IQCJ: variants seen among roughly 807,000 people sequenced by gnomAD.
IQCJ encodes the protein IQ motif containing J.
Under a neutral mutation model 11.0 loss-of-function variants are expected in IQCJ, and 9 were observed. The ratio of observed to expected loss-of-function variants is 0.82; its 90% CI spans 0.49 to 1.43. The LOEUF is 1.43. Among genes scored for constraint, IQCJ ranks in the 40% most tolerant of loss-of-function variants. The pLI, the probability that IQCJ is intolerant of heterozygous loss-of-function variation, is 0.00. For missense variants in IQCJ, 146 were observed against 133.2 expected (o/e 1.10, Z -0.47); for synonymous variants, 55 against 51.3 (o/e 1.07, Z -0.31).
At chr3:159,215,392 C>G (rs138797657) in intron 1 of IQCJ, among the ~76,000 whole-genome samples, 1 of 152,246 alleles carries the variant, frequency 6.6e-6, no homozygotes, top group African/African-American at 2.4e-5. Context: ...TTTCTGCATG[C>G]TGTTTCTCAT....
chr3:159,104,319 A>C, intron 1 of IQCJ, among the ~76,000 whole-genome samples: 1 of 151,866 alleles, frequency 6.6e-6, no homozygotes, highest in South Asian at 2.1e-4. Flanking sequence ...TTGTGAGTTT[A>C]TTTTCTTCTT....
chr3:159,258,048 A>G (rs1727994711), intron 3 of IQCJ, among the ~76,000 whole-genome samples: 1 of 152,172 alleles, frequency 6.6e-6, no homozygotes. Context: ...AGAAATACCC[A>G]TGGTCTAACG....
intron 1 of IQCJ, among the ~76,000 whole-genome samples, chr3:159,171,816 G>A (rs1413060075): frequency 6.6e-6 from 1 of 152,110 alleles, no homozygotes; most frequent in African/African-American, 2.4e-5. Flanking sequence ...AAATTTCTGG[G>A]CCCCAACCCC....
chr3:159,263,979 A>G (rs867544709), downstream of IQCJ, among the ~76,000 whole-genome samples: 17 of 152,344 alleles, frequency 1.1e-4, no homozygotes, highest in Middle Eastern at 0.01. Flanking sequence ...GTTTGTGTCT[A>G]ACTCATGATT....
At chr3:159,143,606 C>T (rs1720752555) in intron 1 of IQCJ, among the ~76,000 whole-genome samples, 1 of 152,250 alleles carries the variant, frequency 6.6e-6, no homozygotes, top group East Asian at 1.9e-4. Context: ...AGAAGTTAAA[C>T]ATTAGTTTCC....
At chr3:159,222,871 C>A (rs1725632398) in intron 1 of IQCJ, among the ~76,000 whole-genome samples, 1 of 151,850 alleles carries the variant, frequency 6.6e-6, no homozygotes, top group Non-Finnish European at 1.5e-5. Context: ...AGATTACCAA[C>A]CCAGAATAAT....
At chr3:159,104,653 C>T (rs1028647783) in intron 1 of IQCJ, among the ~76,000 whole-genome samples, 15 of 152,146 alleles carry the variant, frequency 9.9e-5, no homozygotes, top group Admixed American at 2.6e-4. Flanking sequence ...TTTTCCACAC[C>T]GTGCCATTCT....
chr3:159,091,381 C>G (rs1717270227), intron 1 of IQCJ, among the ~76,000 whole-genome samples: 1 of 151,682 alleles, frequency 6.6e-6, no homozygotes, highest in Non-Finnish European at 1.5e-5. Context: ...TTGCTGACTT[C>G]TCAACTTCTT....
intron 1 of IQCJ, among the ~76,000 whole-genome samples, chr3:159,116,613 T>G (rs945168796): frequency 6.0e-5 from 5 of 83,868 alleles, no homozygotes; most frequent in Non-Finnish European, 1.1e-4. Flanking sequence ...CCTGCTCATA[T>G]GTATATATAT....
chr3:159,190,368 G>A (rs2108038167), intron 1 of IQCJ, among the ~76,000 whole-genome samples: 1 of 152,350 alleles, frequency 6.6e-6, no homozygotes, highest in Non-Finnish European at 1.5e-5. Context: ...GCCAGGGCAT[G>A]TTTAAAGCTC....
At chr3:159,248,567 C>A (rs1727407513) in intron 2 of IQCJ, among the ~76,000 whole-genome samples, 1 of 152,104 alleles carries the variant, frequency 6.6e-6, no homozygotes. Context: ...ACCTTGGCTG[C>A]ACTTAGAATC....
At chr3:159,157,567 G>T (rs183287676) in intron 1 of IQCJ, among the ~76,000 whole-genome samples, 1 of 152,242 alleles carries the variant, frequency 6.6e-6, no homozygotes, top group African/African-American at 2.4e-5. Context: ...GTTTTGAATA[G>T]ATGTTACATT....
At chr3:159,249,995 G>A (rs898911572) in intron 2 of IQCJ, among the ~76,000 whole-genome samples, 47 of 152,164 alleles carry the variant, frequency 3.1e-4, no homozygotes, top group African/African-American at 1.1e-3. Context: ...TAATTGGAAG[G>A]CTACTTATGA....
At chr3:159,229,036 T>C (rs1726031423) in intron 1 of IQCJ, among the ~76,000 whole-genome samples, 1 of 152,208 alleles carries the variant, frequency 6.6e-6, no homozygotes, top group African/African-American at 2.4e-5. Flanking sequence ...CACAGTGGTG[T>C]TATAGCCTCA....
intron 1 of IQCJ, among the ~76,000 whole-genome samples, chr3:159,071,748 A>G (rs1715577280): frequency 6.6e-6 from 1 of 152,076 alleles, no homozygotes; most frequent in Non-Finnish European, 1.5e-5. Flanking sequence ...TGCATTTGCC[A>G]TCTGTCTCTA....
chr3:159,229,626 C>A (rs1207540139), intron 1 of IQCJ, among the ~76,000 whole-genome samples: 1 of 149,714 alleles, frequency 6.7e-6, no homozygotes, highest in South Asian at 2.2e-4. Flanking sequence ...CCCTTTTTTT[C>A]ATGTTCTTTC....
intron 1 of IQCJ, among the ~76,000 whole-genome samples, chr3:159,078,805 T>C (rs1045988380): frequency 6.6e-6 from 1 of 152,098 alleles, no homozygotes; most frequent in African/African-American, 2.4e-5. Context: ...ACTAGCCATA[T>C]AATCTTGGGC....
chr3:159,137,174 A>G (rs771810467), intron 1 of IQCJ, among the ~76,000 whole-genome samples: 30 of 151,878 alleles, frequency 2.0e-4, no homozygotes, highest in Non-Finnish European at 2.8e-4. Flanking sequence ...GGGCAGGAGA[A>G]TTGCTTGAAC....
chr3:159,135,798 G>T (rs1720256223), intron 1 of IQCJ, among the ~76,000 whole-genome samples: 1 of 152,166 alleles, frequency 6.6e-6, no homozygotes. Context: ...AGCAGTTTCT[G>T]CCACATGTAA....
Sources: gnomAD v4.1 joint callset for allele counts (sites outside exome capture counted in the v4.1 genomes callset) on GRCh38, gnomAD v4.1.1 for gene constraint, MANE v1.5 for transcripts, NCBI Gene and HGNC (gene_info 2026-07-23, HGNC 2026-07-21) for gene names.